The following NRCAM variants were observed in gnomAD, a reference collection of about 807,000 sequenced individuals.
NRCAM encodes the protein NgCAM-related cell adhesion molecule.
A neutral mutation model predicts 156.5 loss-of-function variants in NRCAM; 83 were observed. The ratio of observed to expected loss-of-function variants is 0.53; its 90% CI spans 0.44 to 0.64. The LOEUF (loss-of-function observed/expected upper bound fraction) is 0.64, where lower values mean the gene tolerates loss of function less well. Ranked by LOEUF, NRCAM falls within the 30% of genes least tolerant of loss-of-function variation. NRCAM has a pLI of 0.00. For missense variants in NRCAM, 1,417 were observed against 1,597.3 expected (o/e 0.89, Z 1.92); for synonymous variants, 538 against 563.9 (o/e 0.95, Z 0.65).
chr7:108,242,258 C>CA (rs11413420), intron 3 of NRCAM, among the ~76,000 whole-genome samples: 42,856 of 98,490 alleles, frequency 0.44, 10,709 homozygotes, highest in East Asian at 0.8. Flanking sequence ...GACCCCGTCT[C>CA]AAAAAAAAAA....
At chr7:108,331,134 C>T (rs1367992550) in intron 2 of NRCAM, among the ~76,000 whole-genome samples, 6 of 152,140 alleles carry the variant, frequency 3.9e-5, no homozygotes, top group African/African-American at 1.4e-4. Flanking sequence ...CGTAATGGCT[C>T]GTGCCTATAA....
Position 108,390,692 on chromosome 7 carries a change from T to C in NRCAM, c.-174+8744A>G, listed in dbSNP as rs1355074531. Among the ~76,000 whole-genome samples, 2 of 152,212 alleles carry C rather than the reference T, an allele frequency of 1.3e-5. 1 individual carries two copies. Among genetic ancestry groups the C allele is most frequent in the East Asian group, 3.9e-4 (2 of 5,192 alleles). ...GGTGTCAATTTTAGATCTTTCCTGC[T>C]TTCCCTTGTGGGCATTTAGTGCTAT... On this transcript the variant is annotated intron_variant, in intron 2 of 32. Transcript: ENST00000379028.
At chr7:108,256,033 C>G (rs1232331627) in intron 3 of NRCAM, among the ~76,000 whole-genome samples, 2 of 151,520 alleles carry the variant, frequency 1.3e-5, no homozygotes, top group African/African-American at 2.4e-5. Context: ...GGCCAGCCAC[C>G]CCGTCCGGGA....
intron 1 of NRCAM, among the ~76,000 whole-genome samples, chr7:108,448,992 T>C (rs1260137364): frequency 3.3e-5 from 5 of 152,142 alleles, no homozygotes. Flanking sequence ...CGCAGAACAG[T>C]CAGAAGAATA....
chr7:108,234,887 T>C, intron 5 of NRCAM, 199 bp from the exon 6 acceptor site: 1 of 732,092 alleles, frequency 1.4e-6, no homozygotes. Context: ...AGGTTTAACT[T>C]TCTTTCGGTA....
At chr7:108,243,258 A>C (rs2095659367) in intron 3 of NRCAM, 1 of 152,246 alleles carries the variant, frequency 6.6e-6, no homozygotes, top group Admixed American at 6.5e-5. Context: ...CTTGCAACGT[A>C]TGCCCTTATA....
intron 1 of NRCAM, among the ~76,000 whole-genome samples, chr7:108,422,828 G>A (rs548077082): frequency 2.0e-5 from 3 of 152,144 alleles, no homozygotes; most frequent in African/African-American, 4.8e-5. Flanking sequence ...CCAATGAGGA[G>A]CAATTCAGCC....
At chr7:108,353,991 T>TTC in intron 2 of NRCAM, among the ~76,000 whole-genome samples, 1 of 152,334 alleles carries the variant, frequency 6.6e-6, no homozygotes, top group East Asian at 1.9e-4. Context: ...AGTTTTAGTT[T>TTC]TCTCTCTCTA....
intron 2 of NRCAM, among the ~76,000 whole-genome samples, chr7:108,329,415 A>G (rs2099104260): frequency 6.6e-6 from 1 of 152,154 alleles, no homozygotes; most frequent in East Asian, 1.9e-4. Context: ...TTAACCATTT[A>G]TTTTGCTTAA....
chr7:108,150,110 G>T lies in NRCAM; in HGVS notation c.3715C>A (p.Arg1239=). 6.2e-7 allele frequency: 1 copy of T among 1,612,154 alleles called. No homozygotes were observed. The highest frequency in any genetic ancestry group is 8.5e-7 in the Non-Finnish European group (1 of 1,179,552). Reference sequence around the variant, plus strand: ...TTCACAGTCCTGTCTGAAGGAGTTCGACTTCCTTTTTTCAAAGGCTTGTGG... The same window carrying T: ...TTCACAGTCCTGTCTGAAGGAGTTCTACTTCCTTTTTTCAAAGGCTTGTGG... ...EDHKPLKKGS[R]TPSDRTVKKE... is the part of the protein sequence containing the mutation. The change falls in exon 33 of 33, where the codon CGA becomes AGA. Residue 1239 remains arginine, a synonymous_variant. Coordinates refer to ENST00000379028, the MANE Select transcript of NRCAM (RefSeq NM_001037132.4).
intron 3 of NRCAM, among the ~76,000 whole-genome samples, chr7:108,306,920 A>C (rs2098723309): frequency 6.6e-6 from 1 of 152,198 alleles, no homozygotes. Context: ...ATTTCTTTAC[A>C]AAACTTTTGA....
At chr7:108,269,380 T>C (rs74468432) in intron 3 of NRCAM, among the ~76,000 whole-genome samples, 2,669 of 152,290 alleles carry the variant, frequency 0.018, 83 homozygotes, top group African/African-American at 0.06. Context: ...TTCATAGCTC[T>C]GATTTCACTT....
At chr7:108,193,173 A>C (rs2153454916) in intron 17 of NRCAM, among the ~76,000 whole-genome samples, 1 of 152,246 alleles carries the variant, frequency 6.6e-6, no homozygotes, top group South Asian at 2.1e-4. Context: ...CAGGTGTGAG[A>C]CCACCACACC....
chr7:108,358,239 C>T (rs1055255630), intron 2 of NRCAM, among the ~76,000 whole-genome samples: 1 of 136,226 alleles, frequency 7.3e-6, no homozygotes, highest in African/African-American at 2.7e-5. Context: ...GAAACCCCCT[C>T]TCTACAAAAA....
chr7:108,450,281 A>G (rs940359618), intron 1 of NRCAM, among the ~76,000 whole-genome samples: 6 of 148,910 alleles, frequency 4.0e-5, no homozygotes, highest in Non-Finnish European at 8.9e-5. Context: ...TATCTTCACT[A>G]GCTTCTTAGT....
intron 1 of NRCAM, among the ~76,000 whole-genome samples, chr7:108,421,447 C>T (rs931446289): frequency 6.6e-6 from 1 of 152,006 alleles, no homozygotes; most frequent in African/African-American, 2.4e-5. Context: ...TAAGTCACCC[C>T]CAATGAGAAA....
intron 2 of NRCAM, among the ~76,000 whole-genome samples, chr7:108,378,463 A>G (rs764008986): frequency 2.0e-5 from 3 of 152,154 alleles, no homozygotes; most frequent in Non-Finnish European, 4.4e-5. Context: ...GTTGAGAATC[A>G]TAAAGGATAC....
Position 108,194,133 on chromosome 7 carries a change from C to T in NRCAM, c.1669G>A (p.Val557Met), listed in dbSNP as rs775847052. ...AAGGACACCATGCTCCCTCTTTGCA[C>T]AACTGCATATTCGGGCTGTTTAACG... ...WIVKQPEYAVVQRGSMVSFEC... is the reference protein window; with the variant it reads ...WIVKQPEYAVMQRGSMVSFEC... Residue 557 changes from valine to methionine, a missense_variant, in exon 17 of 33, where the codon GTG becomes ATG. Coordinates refer to ENST00000379028, the MANE Select transcript of NRCAM (RefSeq NM_001037132.4). 8 of 1,614,074 alleles carry T rather than the reference C, an allele frequency of 5.0e-6. No individual in the cohort carries two copies. In the South Asian group the frequency reaches 8.8e-5, roughly 18 times the overall value.
intron 1 of NRCAM, among the ~76,000 whole-genome samples, chr7:108,430,442 G>A (rs1384405860): frequency 6.6e-6 from 1 of 152,128 alleles, no homozygotes; most frequent in Non-Finnish European, 1.5e-5. Flanking sequence ...TCTCCCGATA[G>A]ATTAGATGTA....
Sources: gnomAD v4.1 joint callset for allele counts (sites outside exome capture counted in the v4.1 genomes callset) on GRCh38, gnomAD v4.1.1 for gene constraint, MANE v1.5 for transcripts, NCBI Gene and HGNC (gene_info 2026-07-23, HGNC 2026-07-21) for gene names.